Variants in STXBP5 observed in about 807,000 individuals in gnomAD.
The protein encoded by STXBP5 is syntaxin binding protein 5.
A neutral mutation model predicts 152.4 loss-of-function variants in STXBP5; 50 were observed. The ratio of observed to expected loss-of-function variants is 0.33; its 90% CI spans 0.26 to 0.42. STXBP5 has a LOEUF of 0.42. STXBP5 is among the 10% of genes least tolerant of loss of function. The probability of loss-of-function intolerance (pLI) is 1.00; values close to 1 mark genes in which losing one functional copy is unlikely to be tolerated. For synonymous variants in STXBP5, 492 were observed against 494.7 expected (o/e 0.99, Z 0.07); for missense variants, 1,167 against 1,388.6 (o/e 0.84, Z 2.54).
chr6:147,301,686 T>C (rs1372377123), intron 9 of STXBP5, among the ~76,000 whole-genome samples: 1 of 152,250 alleles, frequency 6.6e-6, no homozygotes, highest in Non-Finnish European at 1.5e-5. Flanking sequence ...CTAACTATGA[T>C]AAATTGCCAT....
At chr6:147,324,936 T>A in intron 16 of STXBP5, 23 bp from the exon 17 acceptor site, 1 of 1,486,886 alleles carries the variant, frequency 6.7e-7, no homozygotes, top group Non-Finnish European at 9.0e-7. Context: ...GGTTTAAAGA[T>A]ACCATGTTTT....
chr6:147,310,376 T>C, intron 10 of STXBP5, 138 bp downstream of exon 10: 1 of 614,128 alleles, frequency 1.6e-6, no homozygotes, highest in Non-Finnish European at 2.4e-6. Flanking sequence ...ATTCATAATC[T>C]ACAAACTTTA....
intron 26 of STXBP5, among the ~76,000 whole-genome samples, chr6:147,381,167 T>A: frequency 6.6e-6 from 1 of 152,070 alleles, no homozygotes; most frequent in East Asian, 1.9e-4. Context: ...ACTGGAGGAT[T>A]ATGGGAGCTA....
intron 8 of STXBP5, among the ~76,000 whole-genome samples, chr6:147,280,028 G>A (rs1780627217): frequency 1.3e-5 from 2 of 149,742 alleles, no homozygotes; most frequent in Non-Finnish European, 3.0e-5. Context: ...AGAGTAAGTT[G>A]TCAATGTGGT....
At chr6:147,335,942 A>T (rs979771135) in intron 19 of STXBP5, among the ~76,000 whole-genome samples, 1 of 152,268 alleles carries the variant, frequency 6.6e-6, no homozygotes, top group Non-Finnish European at 1.5e-5. Flanking sequence ...AGAGAAGTTC[A>T]TATGTCCTTA....
chr6:147,237,491 A>G (rs373884945), intron 3 of STXBP5, among the ~76,000 whole-genome samples: 2 of 152,244 alleles, frequency 1.3e-5, no homozygotes, highest in Non-Finnish European at 2.9e-5. Flanking sequence ...TGTGGTAAAC[A>G]TTAAGAAAGA....
chr6:147,310,159 T>C lies in STXBP5; in HGVS notation c.993T>C (p.His331=). The C allele has an allele frequency of 1.2e-6, 2 of 1,606,506 alleles. No individual in the cohort carries two copies. The highest frequency in any genetic ancestry group is 2.2e-5 in the South Asian group (2 of 89,570). The stretch of plus-strand genomic sequence containing the variant: ...GAAGACCTTGCTTAACAGTGATGCA[T>C]GGGAAAAGCACTGCTGTGCTAGAAA... ...VGRRPCLTVM[H]GKSTAVLEMD... Residue 331 remains histidine (H), a synonymous_variant, in exon 10 of 28, where the codon CAT becomes CAC. Coordinates refer to ENST00000321680, the MANE Select transcript of STXBP5 (RefSeq NM_001127715.4).
chr6:147,316,367 A>T lies in STXBP5; in HGVS notation c.1762A>T (p.Ser588Cys). 6.3e-7 allele frequency: 1 copy of T among 1,587,342 alleles called. No individual in the cohort carries two copies. The highest frequency in any genetic ancestry group is 8.5e-7 in the Non-Finnish European group (1 of 1,170,182). Residue 588 changes from serine (S) to cysteine (C), a missense_variant, in exon 16 of 28, where the codon AGT becomes TGT. Coordinates refer to ENST00000321680, the MANE Select transcript of STXBP5 (RefSeq NM_001127715.4). ...TCAGTCTCATCCATCTACCAGTAGC[A>T]GTTCATCTGATGGGCTTCGTGATAA... The part of the protein sequence containing the change: ...PPQSHPSTSS[S>C]SSDGLRDNVP...
chr6:147,356,546 G>A (rs897695035), intron 22 of STXBP5, among the ~76,000 whole-genome samples: 6 of 151,564 alleles, frequency 4.0e-5, no homozygotes, highest in Non-Finnish European at 7.4e-5. Context: ...CTTTTCTACC[G>A]TATCATAATT....
chr6:147,236,581 A>G (rs1036515295), intron 3 of STXBP5, among the ~76,000 whole-genome samples: 2 of 122,318 alleles, frequency 1.6e-5, no homozygotes, highest in African/African-American at 3.2e-5. Context: ...TCTAGTTCAT[A>G]TATGGACTCA....
Position 147,278,202 on chromosome 6 carries a change from A to C in STXBP5, c.836A>C (p.His279Pro). Reference sequence around the variant, plus strand: ...AAACCAGTACAGACAATCACTCCACATGGTAAGAATGCATCAATTTTAAAT... The same window carrying C: ...AAACCAGTACAGACAATCACTCCACCTGGTAAGAATGCATCAATTTTAAAT... ...PAKPVQTITP[H>P]GKQLKDGKKP... The change falls in exon 8 of 28, where the codon CAT becomes CCT. Residue 279 changes from histidine to proline, a missense_variant and splice_region_variant. Transcript: ENST00000321680. 3.1e-6 allele frequency: 5 copies of C among 1,601,860 alleles called. No individual in the cohort carries two copies. The highest frequency in any genetic ancestry group is 4.3e-6 in the Non-Finnish European group (5 of 1,173,534).
At chr6:147,250,680 C>A (rs1004423896) in intron 4 of STXBP5, among the ~76,000 whole-genome samples, 2 of 151,954 alleles carry the variant, frequency 1.3e-5, no homozygotes, top group African/African-American at 4.8e-5. Context: ...TAATTTTTTT[C>A]TTTGGTTACT....
At position 147,320,386 on chromosome 6, in the gene STXBP5, TG is replaced by T. The variant is rs199967623; in HGVS notation, c.1802+3980del. Among the ~76,000 whole-genome samples the T allele has an allele frequency of 3.9e-4, 59 of 152,116 alleles. No homozygotes were observed. The East Asian group carries it at 9.3e-3, about 24-fold the overall frequency. ...GACTTGCTCCCAAATGAACACAGGT[TG>T]AGGGGAAAATGAGAGGGCTACATTA... is the stretch of plus-strand genomic sequence containing the variant. On this transcript the variant is annotated intron_variant, in intron 16 of 27. Coordinates refer to ENST00000321680, the MANE Select transcript of STXBP5 (RefSeq NM_001127715.4).
intron 8 of STXBP5, among the ~76,000 whole-genome samples, chr6:147,287,393 G>A (rs889638968): frequency 2.0e-5 from 3 of 151,082 alleles, no homozygotes; most frequent in Admixed American, 6.6e-5. Flanking sequence ...TAGTAGAGAC[G>A]GGGTTTCACC....
At chr6:147,345,581 G>A (rs6932613) in intron 21 of STXBP5, among the ~76,000 whole-genome samples, 77,820 of 151,816 alleles carry the variant, frequency 0.51, 20,134 homozygotes, top group Middle Eastern at 0.58. Flanking sequence ...TGAAACTCTC[G>A]GTATAAACAA....
Position 147,388,560 on chromosome 6 carries a change from G to A in STXBP5, c.*3805G>A, listed in dbSNP as rs1270376425. On this transcript the variant is annotated 3_prime_UTR_variant, in exon 28 of 28. Transcript: ENST00000321680. ...ATCCATACAAAAAGTTATGTTTTAC[G>A]CTTATAATAAGAAATACTGGTATCT... is the stretch of plus-strand genomic sequence containing the variant. 4 of 151,182 alleles carry A rather than the reference G, an allele frequency of 2.6e-5. No homozygotes were observed. In the East Asian group the frequency reaches 7.7e-4, roughly 29 times the overall value. 9.4% of individuals were successfully genotyped at this position (151,182 alleles called of 1,614,324 possible). A position where few individuals can be genotyped will look rare whatever the true frequency, so the allele number is the denominator to read the frequency against.
chr6:147,269,934 A>G (rs567130109), intron 7 of STXBP5, among the ~76,000 whole-genome samples: 3 of 152,190 alleles, frequency 2.0e-5, no homozygotes, highest in Non-Finnish European at 4.4e-5. Context: ...TTTGATGAAA[A>G]CTATATACTC....
chr6:147,290,432 T>TGGAC (rs2128351615), intron 8 of STXBP5, among the ~76,000 whole-genome samples: 1 of 152,322 alleles, frequency 6.6e-6, no homozygotes, highest in East Asian at 1.9e-4. Context: ...TATTATAATG[T>TGGAC]GGACAGTGGT....
chr6:147,238,607 A>T (rs773186267), intron 3 of STXBP5, among the ~76,000 whole-genome samples: 3 of 152,158 alleles, frequency 2.0e-5, no homozygotes, highest in Non-Finnish European at 2.9e-5. Flanking sequence ...TTCCCTATAA[A>T]TAATAATATT....
Sources: allele counts gnomAD v4.1 joint callset (sites outside exome capture counted in the v4.1 genomes callset), GRCh38; gene constraint gnomAD v4.1.1; transcripts MANE v1.5; gene names NCBI Gene and HGNC (gene_info 2026-07-23, HGNC 2026-07-21).